The following APBA2 variants were observed in gnomAD, a reference collection of about 807,000 sequenced individuals.
APBA2 encodes the protein amyloid beta precursor protein binding family A member 2.
APBA2 carries 30 observed loss-of-function variants against 75.0 expected under a neutral mutation model. The observed-to-expected ratio is 0.40, with a 90% CI of 0.30 to 0.54. APBA2 has a LOEUF of 0.54. Among genes scored for constraint, APBA2 ranks in the 20% least tolerant of loss-of-function variants. APBA2 has a pLI of 0.49. For synonymous variants in APBA2, 444 were observed against 409.6 expected (o/e 1.08, Z -1.01); for missense variants, 801 against 1,016.1 (o/e 0.79, Z 2.88).
chr15:29,079,815 GATA>G (rs2043009127), intron 6 of APBA2, among the ~76,000 whole-genome samples: 1 of 152,244 alleles, frequency 6.6e-6, no homozygotes, highest in Non-Finnish European at 1.5e-5. Flanking sequence ...GATAATTGTT[GATA>G]ATAATGAAAA....
rs879876058 is a variant in APBA2, at chr15:29,061,595, G to T, written c.951+6760G>T. Among the ~76,000 whole-genome samples, 2 of 152,228 alleles carry T rather than the reference G, an allele frequency of 1.3e-5. 1 individual carries two copies. The highest frequency in any genetic ancestry group is 1.3e-4 in the Admixed American group (2 of 15,286). On this transcript the variant is annotated intron_variant, in intron 4 of 14. Coordinates refer to ENST00000683413, the MANE Select transcript of APBA2 (RefSeq NM_001353788.2). Reference sequence around the variant, plus strand: ...AAAGGGAAGCATGGTCGAGGGCCCCGAGGCCACATCGAATGCAGAATTGTG... The same window carrying T: ...AAAGGGAAGCATGGTCGAGGGCCCCTAGGCCACATCGAATGCAGAATTGTG...
intron 2 of APBA2, among the ~76,000 whole-genome samples, chr15:28,952,339 G>T (rs2035934127): frequency 6.6e-6 from 1 of 152,030 alleles, no homozygotes; most frequent in Non-Finnish European, 1.5e-5. Context: ...AGAACAGTCT[G>T]GGTAGCATAG....
intron 14 of APBA2, among the ~76,000 whole-genome samples, chr15:29,114,283 G>C (rs1327439185): frequency 6.6e-6 from 1 of 152,232 alleles, no homozygotes; most frequent in Non-Finnish European, 1.5e-5. Context: ...TGTATGTCCA[G>C]TTCAGAAGCT....
chr15:29,025,211 C>T (rs1040011316), intron 3 of APBA2, among the ~76,000 whole-genome samples: 1 of 151,600 alleles, frequency 6.6e-6, no homozygotes, highest in African/African-American at 2.4e-5. Context: ...AAGGGGAAAG[C>T]ACCAGGTTCA....
rs1007391366 is a variant in APBA2 at position 29,114,147 on chromosome 15, C to T, written c.2178+131C>T. 9.5e-6 allele frequency: 13 copies of T among 1,369,402 alleles called. No homozygotes were observed. In the Admixed American group the frequency reaches 2.4e-4, roughly 25 times the overall value. The allele number at this position is 1,369,402 out of a possible 1,614,324, so 84.8% of individuals were successfully genotyped here. ...AGCCAGGCTGTGTCTCCCATCGGGG[C>T]TGCTGTGACAAGGGTGAATGGAGCG... On this transcript the variant is annotated intron_variant, in intron 14 of 14. Transcript: ENST00000683413.
intron 4 of APBA2, among the ~76,000 whole-genome samples, chr15:29,068,284 CG>C (rs1375456704): frequency 6.6e-6 from 1 of 152,226 alleles, no homozygotes; most frequent in African/African-American, 2.4e-5. Flanking sequence ...GGAAAAATTG[CG>C]GATGTTTGCA....
intron 1 of APBA2, among the ~76,000 whole-genome samples, chr15:28,900,104 G>A (rs1031110151): frequency 2.0e-5 from 3 of 152,138 alleles, no homozygotes; most frequent in South Asian, 2.1e-4. Flanking sequence ...CTGGGCCGTG[G>A]TCACGGGTGG....
chr15:28,998,401 C>T (rs905964889), intron 3 of APBA2, among the ~76,000 whole-genome samples: 3 of 152,076 alleles, frequency 2.0e-5, no homozygotes, highest in Admixed American at 6.6e-5. Context: ...GAAGACATCA[C>T]GTCCTGAAAA....
At chr15:28,959,242 C>G in intron 2 of APBA2, among the ~76,000 whole-genome samples, 1 of 152,184 alleles carries the variant, frequency 6.6e-6, no homozygotes, top group East Asian at 1.9e-4. Context: ...CTGCCTCGGC[C>G]TCCCAAAGTG....
At chr15:29,020,307 T>G (rs1171291948) in intron 3 of APBA2, among the ~76,000 whole-genome samples, 1 of 151,964 alleles carries the variant, frequency 6.6e-6, no homozygotes, top group African/African-American at 2.4e-5. Flanking sequence ...CATCCAGGTT[T>G]AAACATTGTT....
chr15:29,098,377 A>T, intron 8 of APBA2, 113 bp from the exon 9 acceptor site: 1 of 765,448 alleles, frequency 1.3e-6, no homozygotes, highest in Admixed American at 1.9e-5. Context: ...TGTGGTTTTA[A>T]TTTGGATTTA....
intron 3 of APBA2, among the ~76,000 whole-genome samples, chr15:29,047,260 G>T (rs1198237949): frequency 6.6e-6 from 1 of 152,186 alleles, no homozygotes; most frequent in South Asian, 2.1e-4. Flanking sequence ...GGTAGCTGCT[G>T]TGGGTCCCTT....
At chr15:28,969,180 CTTT>C (rs1195695514) in intron 2 of APBA2, among the ~76,000 whole-genome samples, 1 of 130,936 alleles carries the variant, frequency 7.6e-6, no homozygotes, top group Non-Finnish European at 1.7e-5. Flanking sequence ...TTCTTTCTTT[CTTT>C]TTTTTATTTT....
In APBA2 at chr15:29,093,082, G is replaced by T. The variant is rs144741312; in HGVS notation, c.1077G>T (p.Gly359=). The T allele has an allele frequency of 3.7e-6, 6 of 1,614,178 alleles. No individual in the cohort carries two copies. The highest frequency in any genetic ancestry group is 5.1e-6 in the Non-Finnish European group (6 of 1,180,036). Residue 359 remains glycine (G), a synonymous_variant, in exon 7 of 15, where the codon GGG becomes GGT. Coordinates refer to ENST00000683413, the MANE Select transcript of APBA2 (RefSeq NM_001353788.2). Reference sequence around the variant, plus strand: ...CTCTGTGCCCTCCTTCAGTTCCAGGGCCCTGCGAACCAGAAGACCTCATCG... The same window carrying T: ...CTCTGTGCCCTCCTTCAGTTCCAGGTCCCTGCGAACCAGAAGACCTCATCG... ...ASFPSFVAVP[G]PCEPEDLIDG... is the part of the protein sequence containing the mutation.
At chr15:29,064,195 AC>A (rs1566964362) in intron 4 of APBA2, among the ~76,000 whole-genome samples, 6 of 152,228 alleles carry the variant, frequency 3.9e-5, no homozygotes, top group Admixed American at 2.6e-4. Context: ...GCCTGGGACT[AC>A]CTGTCTCTCA....
intron 3 of APBA2, chr15:29,044,320 G>A (rs1028080849): frequency 2.0e-5 from 3 of 152,176 alleles, no homozygotes; most frequent in Admixed American, 2.0e-4. Context: ...TGTTTCAGGA[G>A]GCGAGTGGTG....
chr15:28,980,343 T>C (rs1359943664), intron 2 of APBA2, among the ~76,000 whole-genome samples: 1 of 152,206 alleles, frequency 6.6e-6, no homozygotes, highest in East Asian at 1.9e-4. Context: ...CTAAAGACTT[T>C]GCCAAAAGGC....
intron 4 of APBA2, among the ~76,000 whole-genome samples, chr15:29,056,000 A>G (rs2041868647): frequency 6.6e-6 from 1 of 152,084 alleles, no homozygotes; most frequent in Non-Finnish European, 1.5e-5. Context: ...GCCAAAGCAA[A>G]GTGTTTCTTT....
At chr15:29,110,294 T>C (rs539278013) in intron 13 of APBA2, among the ~76,000 whole-genome samples, 3 of 152,276 alleles carry the variant, frequency 2.0e-5, no homozygotes, top group African/African-American at 7.2e-5. Flanking sequence ...GTGCAGAGCC[T>C]GGGGTGCTGT....
Sources: gnomAD v4.1 joint callset for allele counts (sites outside exome capture counted in the v4.1 genomes callset) on GRCh38, gnomAD v4.1.1 for gene constraint, MANE v1.5 for transcripts, NCBI Gene and HGNC (gene_info 2026-07-23, HGNC 2026-07-21) for gene names.